SYCE1L: variants seen among roughly 807,000 people sequenced by gnomAD.
SYCE1L encodes the protein synaptonemal complex central element protein 1-like.
Under a neutral mutation model 39.6 loss-of-function variants are expected in SYCE1L, and 51 were observed. The ratio of observed to expected loss-of-function variants is 1.29; its 90% CI spans 1.03 to 1.63. The LOEUF is 1.63. SYCE1L is among the 40% of genes most tolerant of loss of function. The probability of loss-of-function intolerance (pLI) is 0.00; values close to 1 mark genes in which losing one functional copy is unlikely to be tolerated. For synonymous variants in SYCE1L, 147 were observed against 122.4 expected (o/e 1.20, Z -1.33); for missense variants, 426 against 304.9 (o/e 1.40, Z -2.96).
At chr16:77,211,630 T>A (rs2054823188) in intron 7 of SYCE1L, among the ~76,000 whole-genome samples, 1 of 152,158 alleles carries the variant, frequency 6.6e-6, no homozygotes, top group African/African-American at 2.4e-5. Flanking sequence ...GTTGCACCGG[T>A]CAGCATTTGA....
chr16:77,206,796 T>C (rs1390199628), intron 2 of SYCE1L, among the ~76,000 whole-genome samples: 3 of 151,410 alleles, frequency 2.0e-5, no homozygotes, highest in African/African-American at 7.3e-5. Flanking sequence ...TTAAGTATCT[T>C]TCCAGAGATT....
intron 2 of SYCE1L, among the ~76,000 whole-genome samples, chr16:77,207,449 G>C (rs576043209): frequency 6.6e-6 from 1 of 152,276 alleles, no homozygotes; most frequent in East Asian, 1.9e-4. Context: ...TCCCTAAAGG[G>C]ATAGTGATCA....
intron 2 of SYCE1L, among the ~76,000 whole-genome samples, chr16:77,207,742 A>T (rs1190809632): frequency 3.3e-5 from 5 of 152,070 alleles, no homozygotes; most frequent in Non-Finnish European, 4.4e-5. Context: ...GACCTGAGCC[A>T]CACCAGCCCC....
intron 6 of SYCE1L, 110 bp downstream of exon 6, chr16:77,209,581 A>G (rs1199162100): frequency 3.3e-6 from 4 of 1,196,530 alleles, no homozygotes; most frequent in South Asian, 1.4e-5. Flanking sequence ...TTACCTTTCT[A>G]TAAAATAGAG....
At chr16:77,208,318 T>C in intron 3 of SYCE1L, 49 bp downstream of exon 3, 2 of 1,547,756 alleles carry the variant, frequency 1.3e-6, no homozygotes, top group Admixed American at 4.0e-5. Context: ...AGGAAGTGAC[T>C]GGATTTATAA....
rs186015718 is a variant in SYCE1L, at chr16:77,211,330, C to T, written c.423+54C>T. The T allele has an allele frequency of 5.8e-5, 89 of 1,545,688 alleles. No individual in the cohort carries two copies. The Admixed American group carries it at 8.2e-4, about 14-fold the overall frequency. ...AGCCACTCCTCCCTGGCTTTAGTGT[C>T]GCACTGACTGGCCCAGAGTCCACCC... On this transcript the variant is annotated intron_variant, in intron 7 of 10. Coordinates refer to ENST00000378644, the MANE Select transcript of SYCE1L (RefSeq NM_001129979.3).
rs748964147 is a variant in SYCE1L at position 77,212,136 on chromosome 16, G to C, written c.430G>C (p.Glu144Gln). The change falls in exon 8 of 11, where the codon GAG becomes CAG. Residue 144 changes from glutamate to glutamine, a missense_variant. Glu to Gln is a conservative substitution (Grantham distance 29, BLOSUM62 2). Transcript: ENST00000378644. ...HKDLWEFHML[E>Q]QRLAREIRAL... is the part of the protein sequence containing the mutation. ...CTCCTCTTTGTCCTCGCAGATGCTG[G>C]AGCAGCGACTGGCCCGGGAGATCCG... 2 of 1,548,668 alleles carry C rather than the reference G, an allele frequency of 1.3e-6. No homozygotes were observed. Among genetic ancestry groups the C allele is most frequent in the South Asian group, 2.4e-5 (2 of 83,930 alleles).
chr16:77,208,019 T>C (rs1042889442), intron 2 of SYCE1L, among the ~76,000 whole-genome samples, 191 bp from the exon 3 acceptor site: 4 of 152,246 alleles, frequency 2.6e-5, no homozygotes, highest in South Asian at 2.1e-4. Flanking sequence ...GATTTATTTA[T>C]CTTTGCTCAA....
At chr16:77,212,833 G>A in intron 10 of SYCE1L, 24 bp from the exon 11 acceptor site, 1 of 1,461,428 alleles carries the variant, frequency 6.8e-7, no homozygotes, top group Admixed American at 2.4e-5. Flanking sequence ...AACCTGGTCC[G>A]CAGCCTCACC....
chr16:77,200,528 G>T (rs2054728198), intron 1 of SYCE1L: 1 of 151,226 alleles, frequency 6.6e-6, no homozygotes, highest in African/African-American at 2.4e-5. Context: ...GGCCGAGGCG[G>T]GTGGGTCACC....
At chr16:77,200,232 G>GTGTATA (rs1356340224) in intron 1 of SYCE1L, 18 of 132,140 alleles carry the variant, frequency 1.4e-4, no homozygotes, top group African/African-American at 5.2e-4. Flanking sequence ...GTATGTGTGT[G>GTGTATA]TATATATATA....
At position 77,200,281 on chromosome 16, in the gene SYCE1L, T is replaced by C. The variant is rs564788279; in HGVS notation, c.61+769T>C. 4 of 112,436 alleles carry C rather than the reference T, an allele frequency of 3.6e-5. No homozygotes were observed. The South Asian group carries it at 8.3e-4, about 23-fold the overall frequency. 7.0% of individuals were successfully genotyped at this position (112,436 alleles called of 1,614,324 possible). On this transcript the variant is annotated intron_variant, in intron 1 of 10. Coordinates refer to ENST00000378644, the MANE Select transcript of SYCE1L (RefSeq NM_001129979.3). The stretch of plus-strand genomic sequence containing the variant: ...GTATATATATATATATGTGTATATA[T>C]ATATATATATACACACACTAATCAG...
At chr16:77,201,069 T>G (rs1412137158) in intron 1 of SYCE1L, 1 of 152,226 alleles carries the variant, frequency 6.6e-6, no homozygotes, top group Non-Finnish European at 1.5e-5. Flanking sequence ...TGACCTAGGA[T>G]GTGAGCTCCA....
At position 77,202,932 on chromosome 16, in the gene SYCE1L, T is replaced by C. The variant is rs187546417; in HGVS notation, c.61+3420T>C. Among the ~76,000 whole-genome samples, 553 of 125,690 alleles carry C rather than the reference T, an allele frequency of 4.4e-3. 8 individuals are homozygous for C. The highest frequency in any genetic ancestry group is 0.014 in the African/African-American group (538 of 39,712). 82.5% of individuals were successfully genotyped at this position (125,690 alleles called of 152,430 possible). A position where few individuals can be genotyped will look rare whatever the true frequency, so the allele number is the denominator to read the frequency against. On this transcript the variant is annotated intron_variant, in intron 1 of 10. Coordinates refer to ENST00000378644, the MANE Select transcript of SYCE1L (RefSeq NM_001129979.3). The stretch of plus-strand genomic sequence containing the variant: ...TAATAAGGTATTAAAAATAAAATAA[T>C]CACAAACACCTCCCCTTGTTATTAA...
At chr16:77,211,327 T>C (rs1435890973) in intron 7 of SYCE1L, 51 bp downstream of exon 7, 1 of 1,548,220 alleles carries the variant, frequency 6.5e-7, no homozygotes, top group African/African-American at 1.4e-5. Context: ...CTGGCTTTAG[T>C]GTCGCACTGA....
chr16:77,208,526 G>A lies in SYCE1L; in HGVS notation c.243G>A (p.Arg81=), dbSNP rs974188970. The stretch of plus-strand genomic sequence containing the variant: ...ACAGTCTCTGGGAGGCCCTGCATAG[G>A]GAATTAGACTCCTGTAAGTGGGGCC... ...ETHSLWEALH[R]ELDSLNGEKV... The change falls in exon 4 of 11, where the codon AGG becomes AGA. Residue 81 remains arginine, a synonymous_variant. Coordinates refer to ENST00000378644, the MANE Select transcript of SYCE1L (RefSeq NM_001129979.3). 12 of 1,551,570 alleles carry A rather than the reference G, an allele frequency of 7.7e-6. No individual in the cohort carries two copies. The African/African-American group carries it at 1.5e-4, about 19-fold the overall frequency.
rs559739515 is a variant in SYCE1L at position 77,207,060 on chromosome 16, C to T, written c.121+560C>T. Among the ~76,000 whole-genome samples, 37 of 152,268 alleles carry T rather than the reference C, an allele frequency of 2.4e-4. No individual in the cohort carries two copies. The East Asian group carries it at 5.4e-3, about 22-fold the overall frequency. On this transcript the variant is annotated intron_variant, in intron 2 of 10. Coordinates refer to ENST00000378644, the MANE Select transcript of SYCE1L (RefSeq NM_001129979.3). ...CTCCCCGCTCCCATTCTGTGGCTGC[C>T]TGCAGAAGAAGTGCACTGGGACTGC...
rs985783726 is a variant in SYCE1L at position 77,212,357 on chromosome 16, C to A, written c.569C>A (p.Ala190Glu). 2.0e-6 allele frequency: 3 copies of A among 1,526,526 alleles called. No individual in the cohort carries two copies. Among genetic ancestry groups the A allele is most frequent in the Admixed American group, 2.2e-5 (1 of 45,498 alleles). The allele number at this position is 1,526,526 out of a possible 1,614,324, so 94.6% of individuals were successfully genotyped here. A position where few individuals can be genotyped will look rare whatever the true frequency, so the allele number is the denominator to read the frequency against. The change falls in exon 9 of 11, where the codon GCG (alanine) becomes GAG (glutamate). Residue 190 changes from alanine (A) to glutamate (E), a missense_variant. Physicochemically the swap from Ala to Glu is moderately radical, Grantham distance 107 (BLOSUM62 -1). Coordinates refer to ENST00000378644, the MANE Select transcript of SYCE1L (RefSeq NM_001129979.3). ...HSPPEVEGAM[A>E]VNDGLKAELE... is the part of the protein sequence containing the mutation. ...CCGCCTGAGGTCGAGGGCGCCATGGCGGTGAATGACGGGTGAGAGGGGAAG... is the reference window on the plus strand; with the variant it reads ...CCGCCTGAGGTCGAGGGCGCCATGGAGGTGAATGACGGGTGAGAGGGGAAG...
chr16:77,209,414 CAG>C lies in SYCE1L; in HGVS notation c.305_306del. ...AAGGGTCCCCTTGGTTCCTTCCCCA[CAG>C]AGGCACTGAGGATCCTCCAGATGCA... On this transcript the variant is annotated splice_acceptor_variant, in intron 5 of 10. Transcript: ENST00000378644. LOFTEE classifies it high-confidence loss of function. The C allele has an allele frequency of 6.4e-6, 10 of 1,551,678 alleles. No homozygotes were observed. The highest frequency in any genetic ancestry group is 8.7e-6 in the Non-Finnish European group (10 of 1,146,984).
Sources: gnomAD v4.1 joint callset for allele counts (sites outside exome capture counted in the v4.1 genomes callset) on GRCh38, gnomAD v4.1.1 for gene constraint, MANE v1.5 for transcripts, NCBI Gene and HGNC (gene_info 2026-07-23, HGNC 2026-07-21) for gene names.